Variants in NF1 observed in about 807,000 individuals in gnomAD.
NF1 encodes the protein neurofibromin 1.
NF1 carries 122 observed loss-of-function variants against 325.7 expected under a neutral mutation model. The observed-to-expected ratio is 0.37, with a 90% CI of 0.32 to 0.44. The LOEUF is 0.44. Among genes scored for constraint, NF1 ranks in the 20% least tolerant of loss-of-function variants. The probability of loss-of-function intolerance (pLI) is 1.00; values close to 1 mark genes in which losing one functional copy is unlikely to be tolerated. For synonymous variants in NF1, 1,091 were observed against 1,186.0 expected (o/e 0.92, Z 1.65); for missense variants, 2,140 against 3,415.4 (o/e 0.63, Z 9.31).
chr17:31,241,183 A>G (rs1256678562), intron 29 of NF1, among the ~76,000 whole-genome samples: 1 of 152,054 alleles, frequency 6.6e-6, no homozygotes, highest in Non-Finnish European at 1.5e-5. Context: ...CAGCCATGGA[A>G]TATCTTTTTT....
intron 51 of NF1, among the ~76,000 whole-genome samples, chr17:31,355,518 G>T (rs1312740867): frequency 6.6e-6 from 1 of 152,180 alleles, no homozygotes; most frequent in African/African-American, 2.4e-5. Flanking sequence ...TAAATTGTCA[G>T]ATTTTATTAT....
rs769615182 is a variant in NF1 at position 31,163,291 on chromosome 17, G to A, written c.394G>A (p.Ala132Thr). Reference sequence around the variant, plus strand: ...CTGTCGTGAAGGAAACCAGCATGCAGCTGAACTTCGGAATTCTGCCTCTGG... The same window carrying A: ...CTGTCGTGAAGGAAACCAGCATGCAACTGAACTTCGGAATTCTGCCTCTGG... ...HTCREGNQHAAELRNSASGVL... is the reference protein window; with the variant it reads ...HTCREGNQHATELRNSASGVL... The change falls in exon 4 of 58, where the codon GCT (alanine) becomes ACT (threonine). Residue 132 changes from alanine (A) to threonine (T), a missense_variant. Physicochemically the swap from Ala to Thr is moderately conservative, Grantham distance 58. Coordinates refer to ENST00000358273, the MANE Select transcript of NF1 (RefSeq NM_001042492.3). 6.2e-7 allele frequency: 1 copy of A among 1,614,126 alleles called. No homozygotes were observed. The highest frequency in any genetic ancestry group is 1.3e-5 in the African/African-American group (1 of 75,032).
At chr17:31,259,000 C>G (rs764665803) in intron 32 of NF1, 32 bp from the exon 33 acceptor site, 1 of 1,387,934 alleles carries the variant, frequency 7.2e-7, no homozygotes, top group Non-Finnish European at 1.0e-6. Context: ...AATAAATAAT[C>G]TGATTATTTA....
chr17:31,262,980 C>T (rs1490182732), intron 35 of NF1, among the ~76,000 whole-genome samples: 1 of 151,594 alleles, frequency 6.6e-6, no homozygotes, highest in African/African-American at 2.4e-5. Context: ...GCCAGGAGTT[C>T]AAGACCAGCC....
At chr17:31,252,114 A>C (rs536287065) in intron 30 of NF1, 1 of 176,468 alleles carries the variant, frequency 5.7e-6, no homozygotes, top group Admixed American at 7.2e-5. Flanking sequence ...GGGGTTTTTT[A>C]GGTGGCTTTT....
intron 31 of NF1, among the ~76,000 whole-genome samples, chr17:31,256,659 C>T (rs145796990): frequency 0.013 from 1,976 of 152,312 alleles, 50 homozygotes; most frequent in African/African-American, 0.044. Flanking sequence ...AATTTTACAT[C>T]TTTCTATAGT....
intron 36 of NF1, chr17:31,304,625 C>T (rs964052664): frequency 6.2e-7 from 1 of 1,614,136 alleles, no homozygotes; most frequent in Non-Finnish European, 8.5e-7. Flanking sequence ...GAAGAAACAG[C>T]AGTTCCAACT....
At chr17:31,273,610 A>C (rs2067945872) in intron 36 of NF1, 1 of 152,218 alleles carries the variant, frequency 6.6e-6, no homozygotes, top group Non-Finnish European at 1.5e-5. Context: ...GTAAGAATTC[A>C]GTCTTTCTCC....
At chr17:31,122,377 G>A (rs1028708818) in intron 1 of NF1, among the ~76,000 whole-genome samples, 4 of 152,078 alleles carry the variant, frequency 2.6e-5, no homozygotes, top group Non-Finnish European at 5.9e-5. Context: ...TGAATAAAGG[G>A]GAAAATTGTT....
chr17:31,232,286 A>T (rs2067126493), intron 25 of NF1, 97 bp downstream of exon 25: 2 of 779,430 alleles, frequency 2.6e-6, no homozygotes, highest in Non-Finnish European at 4.5e-6. Flanking sequence ...CAGGACTAGG[A>T]TAGGAAAATA....
At chr17:31,129,402 CTT>C (rs1338402576) in intron 1 of NF1, among the ~76,000 whole-genome samples, 1 of 149,232 alleles carries the variant, frequency 6.7e-6, no homozygotes, top group Non-Finnish European at 1.5e-5. Context: ...CGCTGAGATT[CTT>C]TTCTCAGCTT....
chr17:31,372,014 A>G (rs1337921096), intron 57 of NF1, among the ~76,000 whole-genome samples: 1 of 152,226 alleles, frequency 6.6e-6, no homozygotes, highest in Non-Finnish European at 1.5e-5. Flanking sequence ...GAGCCAACAA[A>G]TAACTAACTG....
chr17:31,296,366 T>C (rs772046643), intron 36 of NF1: 35 of 1,612,932 alleles, frequency 2.2e-5, no homozygotes, highest in Non-Finnish European at 2.6e-5. Context: ...ACCCTTCTTT[T>C]AATATGCAAA....
Position 31,094,989 on chromosome 17 carries a change from G to T in NF1, c.-321G>T. On this transcript the variant is annotated 5_prime_UTR_variant, in exon 1 of 58. Transcript: ENST00000358273. ...TGGAAAGGATCCCACTTCCGGTGGG[G>T]TGTCATGGCGGCGTCTCGGACTGTG... The T allele has an allele frequency of 1.9e-6, 1 of 536,312 alleles. No homozygotes were observed. Among genetic ancestry groups the T allele is most frequent in the Non-Finnish European group, 3.3e-6 (1 of 302,086 alleles). 33.2% of individuals were successfully genotyped at this position (536,312 alleles called of 1,614,324 possible).
At chr17:31,321,895 A>G (rs1402445913) in intron 36 of NF1, 1 of 152,204 alleles carries the variant, frequency 6.6e-6, no homozygotes, top group African/African-American at 2.4e-5. Flanking sequence ...AGGTTTTGAA[A>G]TGGTATCTTC....
At chr17:31,222,965 G>C (rs2066952325) in intron 15 of NF1, among the ~76,000 whole-genome samples, 1 of 152,174 alleles carries the variant, frequency 6.6e-6, no homozygotes, top group East Asian at 1.9e-4. Flanking sequence ...TAACCATTCA[G>C]TTCTGCCTTT....
At chr17:31,234,670 C>CAAAAAAAA (rs754308242) in intron 27 of NF1, among the ~76,000 whole-genome samples, 35 of 56,282 alleles carry the variant, frequency 6.2e-4, no homozygotes, top group Non-Finnish European at 8.2e-4. Context: ...GACTCTGTCT[C>CAAAAAAAA]AAAAAAAAAA....
At chr17:31,342,242 A>G (rs2069843661) in intron 47 of NF1, among the ~76,000 whole-genome samples, 1 of 152,148 alleles carries the variant, frequency 6.6e-6, no homozygotes, top group African/African-American at 2.4e-5. Flanking sequence ...CGTTTTTCTA[A>G]AACTGTTTTG....
intron 50 of NF1, among the ~76,000 whole-genome samples, chr17:31,350,815 T>C (rs559431725): frequency 1.3e-5 from 2 of 152,332 alleles, no homozygotes; most frequent in South Asian, 4.1e-4. Flanking sequence ...GGGTAGTATA[T>C]TTTTCAGTAT....
Sources: gnomAD v4.1 joint callset for allele counts (sites outside exome capture counted in the v4.1 genomes callset) on GRCh38, gnomAD v4.1.1 for gene constraint, MANE v1.5 for transcripts, NCBI Gene and HGNC (gene_info 2026-07-23, HGNC 2026-07-21) for gene names.